LRRC4C: variants seen among roughly 807,000 people sequenced by gnomAD.
LRRC4C encodes the protein leucine rich repeat containing 4C.
Under a neutral mutation model 33.6 loss-of-function variants are expected in LRRC4C, and 5 were observed. The observed-to-expected ratio is 0.15, with a 90% CI of 0.08 to 0.31. The LOEUF (loss-of-function observed/expected upper bound fraction) is 0.31. LRRC4C is among the 10% of genes least tolerant of loss of function. The pLI is 1.00. For synonymous variants in LRRC4C, 329 were observed against 302.0 expected (o/e 1.09, Z -0.93); for missense variants, 560 against 796.7 (o/e 0.70, Z 3.58).
In LRRC4C at chr11:41,231,932, A is replaced by G. The variant is rs148186061; in HGVS notation, c.-496+227499T>C. Among the ~76,000 whole-genome samples the G allele has an allele frequency of 2.2e-4, 33 of 151,278 alleles. No individual in the cohort carries two copies. The East Asian group carries it at 6.0e-3, about 28-fold the overall frequency. Reference sequence around the variant, plus strand: ...GCCTATAGGACAAAGTCCAAACTCTACCTTACAAAACTGATTCTCGGTAAT... The same window carrying G: ...GCCTATAGGACAAAGTCCAAACTCTGCCTTACAAAACTGATTCTCGGTAAT... On this transcript the variant is annotated intron_variant, in intron 1 of 6. Transcript: ENST00000528697.
At chr11:41,108,640 G>A (rs1941651676) in intron 1 of LRRC4C, among the ~76,000 whole-genome samples, 1 of 152,068 alleles carries the variant, frequency 6.6e-6, no homozygotes, top group African/African-American at 2.4e-5. Context: ...AATAAAAAAT[G>A]TCATCTTGAT....
At chr11:40,408,809 AAT>A (rs1307346095) in intron 3 of LRRC4C, among the ~76,000 whole-genome samples, 1 of 152,020 alleles carries the variant, frequency 6.6e-6, no homozygotes. Context: ...GGATTGAAAG[AAT>A]ATGTTAAAAT....
At chr11:40,318,349 T>C (rs1334177513) in intron 4 of LRRC4C, among the ~76,000 whole-genome samples, 1 of 152,002 alleles carries the variant, frequency 6.6e-6, no homozygotes, top group Non-Finnish European at 1.5e-5. Context: ...CCAAGTAAAA[T>C]GATCAAAATA....
intron 3 of LRRC4C, among the ~76,000 whole-genome samples, chr11:40,526,121 A>G (rs189286063): frequency 9.9e-5 from 15 of 152,280 alleles, no homozygotes; most frequent in Admixed American, 8.5e-4. Flanking sequence ...CGTGAATTAC[A>G]TAAAAATAAA....
At chr11:40,834,272 G>C (rs4130394) in intron 2 of LRRC4C, among the ~76,000 whole-genome samples, 126,740 of 151,966 alleles carry the variant, frequency 0.83, 54,031 homozygotes, top group East Asian at 0.99. Flanking sequence ...AGGAGTTCGA[G>C]ACCAGCCTGC....
chr11:40,172,471 CT>C (rs1860125564), intron 5 of LRRC4C, among the ~76,000 whole-genome samples: 1 of 152,096 alleles, frequency 6.6e-6, no homozygotes, highest in South Asian at 2.1e-4. Context: ...TCCTATTCCA[CT>C]TCCTAAGTGG....
intron 5 of LRRC4C, among the ~76,000 whole-genome samples, chr11:40,232,584 T>C (rs1018904855): frequency 2.6e-5 from 4 of 152,230 alleles, no homozygotes; most frequent in African/African-American, 4.8e-5. Flanking sequence ...ACATTTATTT[T>C]TTTATTATTG....
chr11:41,358,499 C>T (rs562556366), intron 1 of LRRC4C, among the ~76,000 whole-genome samples: 1 of 152,218 alleles, frequency 6.6e-6, no homozygotes, highest in East Asian at 1.9e-4. Context: ...GCAAAAGACA[C>T]ATTTAACAAA....
In LRRC4C at chr11:40,802,048, A is replaced by C. The variant is rs538067251; in HGVS notation, c.-407+131587T>G. On this transcript the variant is annotated intron_variant, in intron 2 of 6. Coordinates refer to ENST00000528697, the MANE Select transcript of LRRC4C (RefSeq NM_001258419.2). Reference sequence around the variant, plus strand: ...AACATATTCATTTTCCTCTGTGCTCACTGAAATAAAAAATACCTGTACCTG... The same window carrying C: ...AACATATTCATTTTCCTCTGTGCTCCCTGAAATAAAAAATACCTGTACCTG... Among the ~76,000 whole-genome samples, 221 of 152,282 alleles carry C rather than the reference A, an allele frequency of 1.5e-3. 1 individual carries two copies. In the South Asian group the frequency reaches 0.016, roughly 11 times the overall value.
At chr11:41,302,425 C>T (rs2137086547) in intron 1 of LRRC4C, among the ~76,000 whole-genome samples, 1 of 152,276 alleles carries the variant, frequency 6.6e-6, no homozygotes, top group East Asian at 1.9e-4. Context: ...AGTGATCTCT[C>T]AGTGGTGATA....
At chr11:41,406,706 CCACACACACA>C (rs112867786) in intron 1 of LRRC4C, among the ~76,000 whole-genome samples, 1,613 of 138,284 alleles carry the variant, frequency 0.012, 17 homozygotes, top group African/African-American at 0.027. Context: ...TACACATTCA[CCACACACACA>C]CACACACACA....
intron 2 of LRRC4C, among the ~76,000 whole-genome samples, chr11:40,731,175 C>T (rs539659785): frequency 7.2e-4 from 110 of 151,750 alleles, no homozygotes; most frequent in Non-Finnish European, 1.2e-3. Context: ...AAAAATTAGC[C>T]GGGCGTGGTG....
intron 3 of LRRC4C, among the ~76,000 whole-genome samples, chr11:40,490,155 A>C (rs550847845): frequency 5.3e-5 from 8 of 152,324 alleles, no homozygotes; most frequent in African/African-American, 1.9e-4. Flanking sequence ...ATAACTAAAA[A>C]AAGTAGTAGT....
chr11:41,152,444 C>T (rs373664890), intron 1 of LRRC4C, among the ~76,000 whole-genome samples: 5 of 152,136 alleles, frequency 3.3e-5, no homozygotes, highest in Non-Finnish European at 7.3e-5. Context: ...TCCCTGATAG[C>T]CTGATGGCCT....
chr11:40,293,214 G>A (rs916178493), intron 4 of LRRC4C: 1 of 152,160 alleles, frequency 6.6e-6, no homozygotes, highest in Non-Finnish European at 1.5e-5. Flanking sequence ...GGGGGCGGGG[G>A]CGGGGGCGGA....
chr11:40,981,192 G>T (rs1385254534), intron 1 of LRRC4C, among the ~76,000 whole-genome samples: 2 of 152,126 alleles, frequency 1.3e-5, no homozygotes, highest in Non-Finnish European at 2.9e-5. Context: ...GAGACGGGTG[G>T]ATCACGAGGT....
chr11:40,965,214 T>A (rs1229005095), intron 1 of LRRC4C, among the ~76,000 whole-genome samples: 3 of 151,826 alleles, frequency 2.0e-5, no homozygotes. Flanking sequence ...TTTTGATGGG[T>A]TTTTTGTTTT....
chr11:41,154,112 C>A (rs1944121680), intron 1 of LRRC4C, among the ~76,000 whole-genome samples: 1 of 152,130 alleles, frequency 6.6e-6, no homozygotes, highest in South Asian at 2.1e-4. Context: ...GAATAAATTT[C>A]TGTTGTTTCA....
rs148738544 is a variant in LRRC4C at position 41,107,898 on chromosome 11, T to C, written c.-495-174175A>G. Reference sequence around the variant, plus strand: ...TTTGCTGTGAGCCGAGATTGCACCATTGCACTCCAGCCTGGGTGATAGAGC... The same window carrying C: ...TTTGCTGTGAGCCGAGATTGCACCACTGCACTCCAGCCTGGGTGATAGAGC... On this transcript the variant is annotated intron_variant, in intron 1 of 6. Coordinates refer to ENST00000528697, the MANE Select transcript of LRRC4C (RefSeq NM_001258419.2). Among the ~76,000 whole-genome samples, 914 of 151,656 alleles carry C rather than the reference T, an allele frequency of 6.0e-3. 10 individuals are homozygous for C. The highest frequency in any genetic ancestry group is 0.011 in the Non-Finnish European group (715 of 67,878).
Sources: gnomAD v4.1 joint callset for allele counts (sites outside exome capture counted in the v4.1 genomes callset) on GRCh38, gnomAD v4.1.1 for gene constraint, MANE v1.5 for transcripts, NCBI Gene and HGNC (gene_info 2026-07-23, HGNC 2026-07-21) for gene names.